The following TBC1D5 variants were observed in gnomAD, a reference collection of about 807,000 sequenced individuals.
TBC1D5 encodes the protein TBC1 domain family, member 5.
Under a neutral mutation model 100.3 loss-of-function variants are expected in TBC1D5, and 75 were observed. The observed-to-expected ratio is 0.75, with a 90% confidence interval of 0.62 to 0.91. The LOEUF (loss-of-function observed/expected upper bound fraction) is 0.91. Among genes scored for constraint, TBC1D5 ranks in the 40% least tolerant of loss-of-function variants. TBC1D5 has a pLI of 0.00. For missense variants in TBC1D5, 910 were observed against 942.4 expected (o/e 0.97, Z 0.45); for synonymous variants, 323 against 325.6 (o/e 0.99, Z 0.09).
chr3:17,714,751 A>G (rs118071774), intron 1 of TBC1D5, among the ~76,000 whole-genome samples: 2,560 of 152,240 alleles, frequency 0.017, 54 homozygotes, highest in South Asian at 0.055. Flanking sequence ...GGAGGATCCC[A>G]TGAGCCCAGG....
At chr3:17,535,891 A>G (rs1367299547) in intron 2 of TBC1D5, among the ~76,000 whole-genome samples, 1 of 151,562 alleles carries the variant, frequency 6.6e-6, no homozygotes, top group Non-Finnish European at 1.5e-5. Flanking sequence ...GGCAATTACC[A>G]AAAAAAAATC....
At chr3:17,396,583 A>G (rs2093511586) in intron 8 of TBC1D5, among the ~76,000 whole-genome samples, 2 of 152,046 alleles carry the variant, frequency 1.3e-5, no homozygotes, top group Non-Finnish European at 2.9e-5. Flanking sequence ...GGATCTTTAA[A>G]TTAAAAAAAA....
At chr3:17,390,551 T>C (rs188443027) in intron 8 of TBC1D5, among the ~76,000 whole-genome samples, 1 of 152,064 alleles carries the variant, frequency 6.6e-6, no homozygotes, top group Non-Finnish European at 1.5e-5. Flanking sequence ...AGGAAAGCCC[T>C]TGGTGAGGGT....
At chr3:17,703,340 T>C (rs1296143054) in intron 1 of TBC1D5, among the ~76,000 whole-genome samples, 3 of 152,056 alleles carry the variant, frequency 2.0e-5, no homozygotes, top group Admixed American at 6.6e-5. Flanking sequence ...GATACATCCA[T>C]GCATAGAAAA....
At chr3:17,292,899 T>C (rs911415155) in intron 14 of TBC1D5, among the ~76,000 whole-genome samples, 14 of 152,214 alleles carry the variant, frequency 9.2e-5, no homozygotes, top group African/African-American at 2.9e-4. Flanking sequence ...TGTGATTCAA[T>C]AGAAACAACA....
intron 16 of TBC1D5, among the ~76,000 whole-genome samples, chr3:17,245,330 T>C (rs141740242): frequency 1.3e-5 from 2 of 152,332 alleles, no homozygotes; most frequent in Admixed American, 1.3e-4. Context: ...TTGCTTGCCA[T>C]ACTGTAAGGT....
intron 2 of TBC1D5, among the ~76,000 whole-genome samples, chr3:17,577,925 C>A (rs748940658): frequency 6.6e-6 from 1 of 151,940 alleles, no homozygotes; most frequent in Non-Finnish European, 1.5e-5. Flanking sequence ...GACTTCCCGT[C>A]ACTTATGTTT....
chr3:17,384,855 G>T (rs1185124579), intron 8 of TBC1D5, among the ~76,000 whole-genome samples: 1 of 152,048 alleles, frequency 6.6e-6, no homozygotes, highest in Non-Finnish European at 1.5e-5. Flanking sequence ...AGGCTGGAAA[G>T]AACTTTGAAT....
intron 1 of TBC1D5, among the ~76,000 whole-genome samples, chr3:17,633,113 C>T (rs1005739059): frequency 1.3e-5 from 2 of 152,126 alleles, no homozygotes; most frequent in African/African-American, 4.8e-5. Context: ...ATACACCCTC[C>T]TGAAATATCC....
chr3:17,461,105 A>G (rs2095199337), intron 3 of TBC1D5, among the ~76,000 whole-genome samples: 1 of 152,234 alleles, frequency 6.6e-6, no homozygotes, highest in Admixed American at 6.5e-5. Flanking sequence ...ACAGAAAATA[A>G]CATCCTACTG....
intron 19 of TBC1D5, among the ~76,000 whole-genome samples, chr3:17,183,212 G>A (rs541923546): frequency 6.6e-6 from 1 of 152,280 alleles, no homozygotes; most frequent in East Asian, 1.9e-4. Flanking sequence ...TGAAGCCACG[G>A]ACACAGACCT....
intron 15 of TBC1D5, among the ~76,000 whole-genome samples, chr3:17,274,686 G>A (rs987069277): frequency 2.6e-5 from 4 of 152,032 alleles, no homozygotes; most frequent in African/African-American, 9.7e-5. Context: ...AACCATGCAG[G>A]CACCATACAA....
intron 15 of TBC1D5, among the ~76,000 whole-genome samples, chr3:17,280,046 C>T (rs1390357713): frequency 6.6e-6 from 1 of 152,198 alleles, no homozygotes; most frequent in African/African-American, 2.4e-5. Flanking sequence ...CCCATCCATT[C>T]ACTCATTATT....
At chr3:17,636,548 T>A (rs752384224) in intron 1 of TBC1D5, among the ~76,000 whole-genome samples, 1 of 152,112 alleles carries the variant, frequency 6.6e-6, no homozygotes, top group African/African-American at 2.4e-5. Context: ...TCCCAGCACT[T>A]TGGGAGGCCG....
At chr3:17,367,213 C>T (rs959082249) in intron 13 of TBC1D5, among the ~76,000 whole-genome samples, 1 of 152,110 alleles carries the variant, frequency 6.6e-6, no homozygotes, top group Non-Finnish European at 1.5e-5. Flanking sequence ...AAATTTTAGT[C>T]TCTTTATAAT....
intron 13 of TBC1D5, among the ~76,000 whole-genome samples, chr3:17,350,614 G>A (rs562236023): frequency 3.7e-4 from 56 of 152,152 alleles, no homozygotes; most frequent in Middle Eastern, 6.8e-3. Flanking sequence ...CCAGTCATTC[G>A]CGACACATTT....
chr3:17,634,369 A>C (rs537911903), intron 1 of TBC1D5, among the ~76,000 whole-genome samples: 1 of 152,308 alleles, frequency 6.6e-6, no homozygotes, highest in African/African-American at 2.4e-5. Flanking sequence ...TGCTACATAT[A>C]AACAATGGAG....
intron 17 of TBC1D5, among the ~76,000 whole-genome samples, chr3:17,225,754 C>A: frequency 6.6e-6 from 1 of 151,846 alleles, no homozygotes; most frequent in South Asian, 2.1e-4. Flanking sequence ...TGAAGAGGGA[C>A]AATTACTTGA....
intron 1 of TBC1D5, among the ~76,000 whole-genome samples, chr3:17,657,840 A>T (rs776104701): frequency 6.6e-6 from 1 of 152,218 alleles, no homozygotes; most frequent in East Asian, 1.9e-4. Flanking sequence ...CAATTTATTA[A>T]CAACATATTC....
Sources: allele counts gnomAD v4.1 joint callset (sites outside exome capture counted in the v4.1 genomes callset), GRCh38; gene constraint gnomAD v4.1.1; transcripts MANE v1.5; gene names NCBI Gene and HGNC (gene_info 2026-07-23, HGNC 2026-07-21).